Variants in BCL7A observed in about 807,000 individuals in gnomAD.
BCL7A encodes BAF chromatin remodeling complex subunit BCL7A, also known as B-cell CLL/lymphoma 7 protein family member A.
BCL7A carries 11 observed loss-of-function variants against 28.4 expected under a neutral mutation model. The observed-to-expected ratio is 0.39, with a 90% CI of 0.24 to 0.64. The LOEUF (loss-of-function observed/expected upper bound fraction) is 0.64. Ranked by LOEUF, BCL7A falls within the 30% of genes least tolerant of loss-of-function variation. BCL7A has a pLI of 0.50. For synonymous variants in BCL7A, 123 were observed against 103.3 expected, an observed-to-expected ratio of 1.19 and a Z score of -1.15; for missense variants, 222 against 274.8, an observed-to-expected ratio of 0.81 and a Z score of 1.36.
chr12:122,026,447 A>G (rs181842773), intron 1 of BCL7A, among the ~76,000 whole-genome samples: 1 of 152,218 alleles, frequency 6.6e-6, no homozygotes, highest in African/African-American at 2.4e-5. Flanking sequence ...TGTCTCAAAA[A>G]ACAAACAAAA....
At position 122,059,217 on chromosome 12, in the gene BCL7A, A is replaced by G. The variant is rs1951900158; in HGVS notation, c.*54A>G. On this transcript the variant is annotated 3_prime_UTR_variant, in exon 6 of 6. Coordinates refer to ENST00000261822, the MANE Select transcript of BCL7A (RefSeq NM_001024808.3). This position sits in a 1 kb window ranked among gnomAD's most constrained non-coding sequence, Gnocchi z 4.0. ...TCCATGGAAGGTACATCAGCAATTA[A>G]TTCTAGAGCAACTTTGCCCCAGCGA... is the stretch of plus-strand genomic sequence containing the variant. 6.6e-7 allele frequency: 1 copy of G among 1,523,002 alleles called. No homozygotes were observed. The highest frequency in any genetic ancestry group is 1.7e-4 in the Middle Eastern group (1 of 5,898). 94.3% of individuals were successfully genotyped at this position (1,523,002 alleles called of 1,614,324 possible).
At chr12:122,026,831 C>G (rs1421654347) in intron 1 of BCL7A, among the ~76,000 whole-genome samples, 1 of 152,154 alleles carries the variant, frequency 6.6e-6, no homozygotes, top group East Asian at 1.9e-4. Context: ...GTTGGCTAAC[C>G]CTTGGACCTG....
Position 122,059,130 on chromosome 12 carries a change from G to A in BCL7A, c.600G>A (p.Leu200=), listed in dbSNP as rs1302061117. The change falls in exon 6 of 6, where the codon CTG becomes CTA. Residue 200 remains leucine (L), a synonymous_variant. Transcript: ENST00000261822. The surrounding 1 kb of genome is among the most constrained non-coding windows in gnomAD (Gnocchi z 4.0). ...EGVPPSKKMK[L]EASQQNSEEM ...TGCCACCCTCTAAAAAGATGAAACTGGAGGCCTCTCAACAAAACTCCGAAG... is the reference window on the plus strand; with the variant it reads ...TGCCACCCTCTAAAAAGATGAAACTAGAGGCCTCTCAACAAAACTCCGAAG... 6.2e-7 allele frequency: 1 copy of A among 1,612,796 alleles called. No individual in the cohort carries two copies. Among genetic ancestry groups the A allele is most frequent in the East Asian group, 2.2e-5 (1 of 44,876 alleles).
At chr12:122,048,837 T>C (rs1004032962) in intron 4 of BCL7A, among the ~76,000 whole-genome samples, 1 of 151,682 alleles carries the variant, frequency 6.6e-6, no homozygotes, top group Non-Finnish European at 1.5e-5. Context: ...CTGCCCAGCA[T>C]GGCAAAACAC....
Position 122,061,900 on chromosome 12 carries a change from T to C in BCL7A, c.*2737T>C. ...ATAAAGACCTTTTTTCACCGTTACC[T>C]AATTTTTTCCCCTTTCAAGAATTTT... On this transcript the variant is annotated 3_prime_UTR_variant, in exon 6 of 6. Coordinates refer to ENST00000261822, the MANE Select transcript of BCL7A (RefSeq NM_001024808.3). 4.7e-6 allele frequency: 1 copy of C among 213,954 alleles called. No individual in the cohort carries two copies. Among genetic ancestry groups the C allele is most frequent in the Non-Finnish European group, 9.5e-6 (1 of 105,660 alleles). The allele number at this position is 213,954 out of a possible 1,614,324, so 13.3% of individuals were successfully genotyped here. A position where few individuals can be genotyped will look rare whatever the true frequency, so the allele number is the denominator to read the frequency against.
intron 4 of BCL7A, chr12:122,044,346 CAAA>C: frequency 2.7e-4 from 59 of 218,914 alleles, no homozygotes; most frequent in East Asian, 7.6e-4. Flanking sequence ...TCATCTCTAC[CAAA>C]AAAAAAAAAA....
chr12:122,038,888 C>A (rs558101285), intron 3 of BCL7A, among the ~76,000 whole-genome samples: 1 of 152,010 alleles, frequency 6.6e-6, no homozygotes, highest in South Asian at 2.1e-4. Flanking sequence ...AAAACCTTGG[C>A]ATGGGACCAA....
intron 4 of BCL7A, 185 bp downstream of exon 4, chr12:122,044,238 G>C (rs1182223129): frequency 8.8e-6 from 6 of 680,368 alleles, no homozygotes; most frequent in African/African-American, 1.8e-5. Context: ...GCCAGGTGCA[G>C]TGGCTCATGC....
At chr12:122,052,203 A>T (rs10840647) in intron 4 of BCL7A, among the ~76,000 whole-genome samples, 74,702 of 151,852 alleles carry the variant, frequency 0.49, 18,941 homozygotes, top group African/African-American at 0.62. Flanking sequence ...TTAAAAAAAA[A>T]AAATAAATAA....
chr12:122,023,656 T>C (rs1883532084), intron 1 of BCL7A, among the ~76,000 whole-genome samples: 1 of 152,164 alleles, frequency 6.6e-6, no homozygotes, highest in African/African-American at 2.4e-5. Flanking sequence ...CTTTCCAAAG[T>C]TGAGATCCAA....
rs1883696139 is a variant in BCL7A, at chr12:122,029,429, G to T, written c.93-1271G>T. Among the ~76,000 whole-genome samples the T allele has an allele frequency of 6.6e-6, 1 of 152,198 alleles. No individual in the cohort carries two copies. Among genetic ancestry groups the T allele is most frequent in the Admixed American group, 6.5e-5 (1 of 15,276 alleles). On this transcript the variant is annotated intron_variant, in intron 1 of 5. Transcript: ENST00000261822. This position sits in a 1 kb window ranked among gnomAD's most constrained non-coding sequence, Gnocchi z 4.3. ...CATGTGAGGGCCACATGCCCCACGAGGGGGTGATCTAAGGCTGAGTTTGGG... is the reference window on the plus strand; with the variant it reads ...CATGTGAGGGCCACATGCCCCACGATGGGGTGATCTAAGGCTGAGTTTGGG...
chr12:122,043,639 G>A (rs1884005182), intron 3 of BCL7A, among the ~76,000 whole-genome samples: 1 of 151,726 alleles, frequency 6.6e-6, no homozygotes, highest in Non-Finnish European at 1.5e-5. Context: ...AGGCGTGGTG[G>A]CAAGTACCTG....
chr12:122,051,933 G>A (rs544955977), intron 4 of BCL7A, among the ~76,000 whole-genome samples: 12 of 137,660 alleles, frequency 8.7e-5, no homozygotes, highest in African/African-American at 3.1e-4. Context: ...GAGTGCAGTG[G>A]TGCGATTTTC....
At chr12:122,054,209 C>G (rs1004989025) in intron 4 of BCL7A, among the ~76,000 whole-genome samples, 2 of 152,100 alleles carry the variant, frequency 1.3e-5, no homozygotes, top group Non-Finnish European at 2.9e-5. Context: ...CTCAGCCTCC[C>G]GAGTAGGTGG....
At chr12:122,025,773 C>T (rs1331968416) in intron 1 of BCL7A, among the ~76,000 whole-genome samples, 1 of 151,450 alleles carries the variant, frequency 6.6e-6, no homozygotes, top group Non-Finnish European at 1.5e-5. Flanking sequence ...TGGTGAAACC[C>T]TGTCTCTACT....
Position 122,059,338 on chromosome 12 carries a change from A to G in BCL7A, c.*175A>G. 1 of 599,174 alleles carries G rather than the reference A, an allele frequency of 1.7e-6. No individual in the cohort carries two copies. Among genetic ancestry groups the G allele is most frequent in the Admixed American group, 3.0e-5 (1 of 33,760 alleles). The allele number at this position is 599,174 out of a possible 1,614,324, so 37.1% of individuals were successfully genotyped here. A position where few individuals can be genotyped will look rare whatever the true frequency, so the allele number is the denominator to read the frequency against. ...CGGCGTCACTTCTCAGACACTGAAG[A>G]ACTCTGCTGTGAAGCAAAACACTCA... On this transcript the variant is annotated 3_prime_UTR_variant, in exon 6 of 6. Transcript: ENST00000261822. This position sits in a 1 kb window ranked among gnomAD's most constrained non-coding sequence, Gnocchi z 4.0.
At position 122,060,385 on chromosome 12, in the gene BCL7A, C is replaced by T. The variant is rs150887242; in HGVS notation, c.*1222C>T. 1.3e-3 allele frequency: 295 copies of T among 232,972 alleles called. No homozygotes were observed. The highest frequency in any genetic ancestry group is 5.4e-3 in the African/African-American group (245 of 45,390). 14.4% of individuals were successfully genotyped at this position (232,972 alleles called of 1,614,324 possible). On this transcript the variant is annotated 3_prime_UTR_variant, in exon 6 of 6. Transcript: ENST00000261822. ...CGGGCCTCGAAGGCCACAAACAAGG[C>T]GTCGAGGAATTGGAAAGATTTGCAC...
At chr12:122,049,033 A>ATAT (rs1410918154) in intron 4 of BCL7A, among the ~76,000 whole-genome samples, 184 of 58,646 alleles carry the variant, frequency 3.1e-3, no homozygotes, top group South Asian at 7.0e-3. Flanking sequence ...AAAAAAAAAA[A>ATAT]AAATATATAT....
chr12:122,025,162 A>G (rs184825490), intron 1 of BCL7A, among the ~76,000 whole-genome samples: 1 of 152,240 alleles, frequency 6.6e-6, no homozygotes. Context: ...GGAGGAGAGA[A>G]GACCCCAGGG....
Sources: gnomAD v4.1 joint callset for allele counts (sites outside exome capture counted in the v4.1 genomes callset) on GRCh38, gnomAD v4.1.1 for gene constraint, Gnocchi (gnomAD v3.1) non-coding constraint, MANE v1.5 for transcripts, NCBI Gene and HGNC (gene_info 2026-07-23, HGNC 2026-07-21) for gene names.